CR1: variants seen among roughly 807,000 people sequenced by gnomAD.
CR1 encodes the protein complement receptor type 1.
A neutral mutation model predicts 187.3 loss-of-function variants in CR1; 116 were observed. That is an observed-to-expected ratio of 0.62 (90% CI 0.53 to 0.72). The LOEUF is 0.72. Ranked by LOEUF, CR1 falls within the 30% of genes least tolerant of loss-of-function variation. The pLI, the probability that CR1 is intolerant of heterozygous loss-of-function variation, is 0.00. For missense variants in CR1, 1,731 were observed against 2,110.7 expected, an observed-to-expected ratio of 0.82 and a Z score of 3.52; for synonymous variants, 576 against 747.1, an observed-to-expected ratio of 0.77 and a Z score of 3.73.
In CR1 at chr1:207,584,571, A is replaced by C. The variant is rs998145467; in HGVS notation, c.5303-78A>C. 28 of 1,516,534 alleles carry C rather than the reference A, an allele frequency of 1.8e-5. No individual in the cohort carries two copies. The Admixed American group carries it at 2.0e-4, about 11-fold the overall frequency. The allele number at this position is 1,516,534 out of a possible 1,614,324, so 93.9% of individuals were successfully genotyped here. ...TACGCTTAATTGGCAACACAGTCAC[A>C]GTATGACAACTGTAGAATCACCTTG... On this transcript the variant is annotated intron_variant, in intron 32 of 46. Coordinates refer to ENST00000367049, the MANE Select transcript of CR1 (RefSeq NM_000651.6).
intron 44 of CR1, among the ~76,000 whole-genome samples, chr1:207,622,427 T>C (rs1571609659): frequency 1.3e-5 from 2 of 152,200 alleles, no homozygotes; most frequent in East Asian, 3.8e-4. Context: ...TAAATAAGAA[T>C]AGTTTTGTAA....
intron 44 of CR1, 105 bp downstream of exon 44, chr1:207,622,101 G>A (rs1662331911): frequency 1.1e-5 from 9 of 842,904 alleles, no homozygotes; most frequent in South Asian, 5.9e-5. Flanking sequence ...GTCTTGAGGT[G>A]TAAAGAGATC....
intron 31 of CR1, 82 bp downstream of exon 31, chr1:207,580,695 C>A: frequency 7.9e-7 from 1 of 1,270,752 alleles, no homozygotes; most frequent in Non-Finnish European, 1.1e-6. Context: ...AAAAAGAGGG[C>A]TGACCTAGGA....
intron 4 of CR1, 66 bp from the exon 5 acceptor site, chr1:207,523,545 C>T: frequency 6.3e-7 from 1 of 1,599,284 alleles, no homozygotes; most frequent in South Asian, 1.1e-5. Flanking sequence ...AGTTTAGTGA[C>T]TCATGAGATT....
intron 45 of CR1, among the ~76,000 whole-genome samples, chr1:207,623,773 T>C (rs1032000301): frequency 2.0e-5 from 3 of 152,228 alleles, no homozygotes; most frequent in African/African-American, 7.2e-5. Flanking sequence ...GCCCAGATCC[T>C]ATCATAGCAC....
chr1:207,511,376 T>C (rs533323146), intron 3 of CR1, among the ~76,000 whole-genome samples, 193 bp from the exon 4 acceptor site: 1 of 152,280 alleles, frequency 6.6e-6, no homozygotes, highest in Admixed American at 6.5e-5. Context: ...GCTCATCCAA[T>C]TGAGAATGTA....
At chr1:207,633,039 A>G (rs1417446282) in intron 46 of CR1, among the ~76,000 whole-genome samples, 2 of 152,190 alleles carry the variant, frequency 1.3e-5, no homozygotes, top group African/African-American at 4.8e-5. Context: ...ACAAGAGTTC[A>G]TTTTAAAAAT....
rs1660717619 is a variant in CR1 at position 207,575,590 on chromosome 1, T to G, written c.4452-5T>G. The G allele has an allele frequency of 6.2e-7, 1 of 1,611,852 alleles. No homozygotes were observed. On this transcript the variant is annotated splice_polypyrimidine_tract_variant and splice_region_variant and intron_variant, in intron 27 of 46. Coordinates refer to ENST00000367049, the MANE Select transcript of CR1 (RefSeq NM_000651.6). ...GGACAATGATTTTCCATTTTTTGCC[T>G]TTAGGCACCGACTCATTGGTCACTC...
chr1:207,509,540 C>G (rs1423602028), intron 3 of CR1, among the ~76,000 whole-genome samples: 1 of 152,140 alleles, frequency 6.6e-6, no homozygotes, highest in Non-Finnish European at 1.5e-5. Flanking sequence ...TTAAAATATT[C>G]TTCTATCTGT....
At position 207,620,039 on chromosome 1, in the gene CR1, A is replaced by T; in HGVS notation, c.7226A>T (p.Asp2409Val). 3.1e-6 allele frequency: 5 copies of T among 1,612,392 alleles called. No homozygotes were observed. Among genetic ancestry groups the T allele is most frequent in the Non-Finnish European group, 4.2e-6 (5 of 1,179,588 alleles). The change falls in exon 43 of 47, where the codon GAC (aspartate) becomes GTC (valine). Residue 2409 changes from aspartate to valine, a missense_variant. Physicochemically the swap from Asp to Val is radical, Grantham distance 152. Transcript: ENST00000367049. ...WSQCQADDRW[D>V]PPLAKCTSRT... ...CAGTGCCAGGCGGATGACAGATGGG[A>T]CCCTCCTCTGGCCAAATGTACCTCT...
At chr1:207,604,909 G>C (rs1661702957) in intron 35 of CR1, among the ~76,000 whole-genome samples, 1 of 152,080 alleles carries the variant, frequency 6.6e-6, no homozygotes, top group Admixed American at 6.6e-5. Flanking sequence ...AGTTAGACAG[G>C]AGGAGTAAGT....
In CR1 at chr1:207,503,227, G is replaced by C. The variant is rs547865066; in HGVS notation, c.122-2677G>C. 2.6e-5 allele frequency among the ~76,000 whole-genome samples: 4 copies of C among 152,288 alleles called. No homozygotes were observed. The South Asian group carries it at 6.2e-4, about 24-fold the overall frequency. ...TGAAGATGAAACTGAGGCTCAGCAA[G>C]ATTAAGCGGTTTGCCTAAGACCTCA... On this transcript the variant is annotated intron_variant, in intron 1 of 46. Coordinates refer to ENST00000367049, the MANE Select transcript of CR1 (RefSeq NM_000651.6).
At chr1:207,623,324 G>A (rs1662371725) in intron 45 of CR1, among the ~76,000 whole-genome samples, 1 of 152,138 alleles carries the variant, frequency 6.6e-6, no homozygotes, top group Non-Finnish European at 1.5e-5. Context: ...ACTCATGCCT[G>A]TAATTTCAGC....
At chr1:207,617,606 TATATATAGAGAGAGAGAGAGAGAGAG>T (rs1342029242) in intron 41 of CR1, among the ~76,000 whole-genome samples, 365 of 18,072 alleles carry the variant, frequency 0.02, no homozygotes, top group Non-Finnish European at 0.029. Flanking sequence ...TATATATATA[TATATATAGAGAGAGAGAGAGAGAGAG>T]AGAGAGAGAG....
intron 28 of CR1, among the ~76,000 whole-genome samples, chr1:207,577,347 A>T (rs1172387045): frequency 1.3e-5 from 2 of 152,218 alleles, no homozygotes; most frequent in African/African-American, 4.8e-5. Context: ...CACTCATAAC[A>T]TTTTAAAACT....
rs756522188 is a variant in CR1 at position 207,580,357 on chromosome 1, C to T, written c.5054C>T (p.Ala1685Val). ...GAGCCTGGCTATGACCTCAGAGGGG[C>T]TGCGTCTCTGCACTGCACACCCCAG... ...SCEPGYDLRG[A>V]ASLHCTPQGD... The change falls in exon 30 of 47, where the codon GCT (alanine) becomes GTT (valine). Residue 1685 changes from alanine (A) to valine (V), a missense_variant. Ala to Val is a moderately conservative substitution (Grantham distance 64). This residue lies in a region of CR1 where 1,312 missense variants were observed against 1,379.6 expected (regional missense o/e 0.95). Coordinates refer to ENST00000367049, the MANE Select transcript of CR1 (RefSeq NM_000651.6). The T allele has an allele frequency of 6.2e-7, 1 of 1,613,978 alleles. No homozygotes were observed. The highest frequency in any genetic ancestry group is 8.5e-7 in the Non-Finnish European group (1 of 1,179,878).
chr1:207,621,041 A>G (rs1290072588), intron 43 of CR1, among the ~76,000 whole-genome samples: 1 of 152,206 alleles, frequency 6.6e-6, no homozygotes, highest in African/African-American at 2.4e-5. Context: ...TGGGAGGCCG[A>G]GGCGGATGGA....
intron 41 of CR1, 74 bp from the exon 42 acceptor site, chr1:207,617,997 A>G: frequency 6.7e-7 from 1 of 1,483,016 alleles, no homozygotes; most frequent in Non-Finnish European, 9.1e-7. Flanking sequence ...GAGATATTGG[A>G]TGTGTTCATG....
intron 45 of CR1, 101 bp from the exon 46 acceptor site, chr1:207,630,416 C>A: frequency 1.4e-6 from 1 of 694,868 alleles, no homozygotes; most frequent in Non-Finnish European, 2.3e-6. Flanking sequence ...GAACTTAAGG[C>A]AAATAATACC....
Sources: gnomAD v4.1 joint callset for allele counts (sites outside exome capture counted in the v4.1 genomes callset) on GRCh38, gnomAD v4.1.1 for gene constraint, gnomAD v4.1.1 regional missense constraint, MANE v1.5 for transcripts, NCBI Gene and HGNC (gene_info 2026-07-23, HGNC 2026-07-21) for gene names.